SPAG16: variants seen among roughly 807,000 people sequenced by gnomAD.
SPAG16 encodes sperm-associated antigen 16 protein.
SPAG16 carries 86 observed loss-of-function variants against 80.4 expected under a neutral mutation model. That is an observed-to-expected ratio of 1.07 (90% CI 0.90 to 1.28). The LOEUF (loss-of-function observed/expected upper bound fraction) is 1.28, where lower values mean the gene tolerates loss of function less well. Among genes scored for constraint, SPAG16 ranks in the 50% most tolerant of loss-of-function variants. The pLI is 0.00. For missense variants in SPAG16, 870 were observed against 765.3 expected, an observed-to-expected ratio of 1.14 and a Z score of -1.61; for synonymous variants, 294 against 265.9, an observed-to-expected ratio of 1.11 and a Z score of -1.03.
At chr2:213,923,479 T>A (rs533168175) in intron 11 of SPAG16, among the ~76,000 whole-genome samples, 2 of 152,278 alleles carry the variant, frequency 1.3e-5, no homozygotes, top group East Asian at 3.9e-4. Flanking sequence ...TGGGATCACA[T>A]GCCTTACTGT....
chr2:213,805,794 A>G (rs2071730765), intron 10 of SPAG16, among the ~76,000 whole-genome samples: 1 of 152,232 alleles, frequency 6.6e-6, no homozygotes, highest in African/African-American at 2.4e-5. Flanking sequence ...TATAATGCAA[A>G]TAAACTTGCT....
At position 214,259,597 on chromosome 2, in the gene SPAG16, C is replaced by T. The variant is rs761561766; in HGVS notation, c.1720+110331C>T. Among the ~76,000 whole-genome samples the T allele has an allele frequency of 3.3e-5, 5 of 150,286 alleles. No individual in the cohort carries two copies. The East Asian group carries it at 7.9e-4, about 24-fold the overall frequency. On this transcript the variant is annotated intron_variant, in intron 15 of 15. Transcript: ENST00000331683. ...CCCTGAGCCATTTCCTTCTTCCAGG[C>T]GTTCACTCTCCTTCACTCTCCACCT... is the stretch of plus-strand genomic sequence containing the variant.
chr2:214,157,633 T>C (rs2056271758), intron 15 of SPAG16, among the ~76,000 whole-genome samples: 1 of 152,086 alleles, frequency 6.6e-6, no homozygotes, highest in African/African-American at 2.4e-5. Context: ...TCCATTCTGA[T>C]TGGTTGGTGA....
At chr2:213,339,778 T>C (rs2064574358) in intron 5 of SPAG16, among the ~76,000 whole-genome samples, 1 of 149,920 alleles carries the variant, frequency 6.7e-6, no homozygotes, top group African/African-American at 2.5e-5. Context: ...AGAGTTAAAT[T>C]CCATAAAGTC....
intron 12 of SPAG16, among the ~76,000 whole-genome samples, chr2:214,004,188 A>C (rs1439691932): frequency 6.6e-6 from 1 of 152,304 alleles, no homozygotes; most frequent in South Asian, 2.1e-4. Flanking sequence ...AAGTGGTAAG[A>C]TCAGGTGGTA....
At chr2:214,060,504 A>C (rs1157921160) in intron 13 of SPAG16, among the ~76,000 whole-genome samples, 4 of 152,214 alleles carry the variant, frequency 2.6e-5, no homozygotes, top group Non-Finnish European at 5.9e-5. Context: ...CGAAAGAAAA[A>C]GGATAATGTA....
intron 14 of SPAG16, among the ~76,000 whole-genome samples, chr2:214,121,636 A>G (rs950503525): frequency 2.6e-5 from 4 of 151,846 alleles, no homozygotes; most frequent in African/African-American, 7.2e-5. Flanking sequence ...TACTACTGCT[A>G]TTATTATTAC....
chr2:213,502,361 G>A (rs955371812), intron 10 of SPAG16, among the ~76,000 whole-genome samples: 4 of 152,024 alleles, frequency 2.6e-5, no homozygotes, highest in African/African-American at 7.3e-5. Flanking sequence ...GGGCTCAAGC[G>A]ATTCTTCTGC....
In SPAG16 at chr2:213,386,179, C is replaced by A. The variant is rs1575446918; in HGVS notation, c.942+11060C>A. Among the ~76,000 whole-genome samples, 3 of 152,172 alleles carry A rather than the reference C, an allele frequency of 2.0e-5. No homozygotes were observed. In the South Asian group the frequency reaches 6.2e-4, roughly 32 times the overall value. ...ATTCTTCCCAATGTCTTCCAAACTC[C>A]CATTGATGCCTTTTTTCCATATTAT... On this transcript the variant is annotated intron_variant, in intron 9 of 15. Transcript: ENST00000331683.
chr2:213,676,612 A>G (rs1222809430), intron 10 of SPAG16, among the ~76,000 whole-genome samples: 3 of 152,168 alleles, frequency 2.0e-5, no homozygotes, highest in Admixed American at 6.5e-5. Flanking sequence ...AATTTTGTCA[A>G]AGGCCTTTTC....
chr2:214,248,554 T>A (rs902719224), intron 15 of SPAG16, among the ~76,000 whole-genome samples: 35 of 152,098 alleles, frequency 2.3e-4, no homozygotes, highest in African/African-American at 8.4e-4. Flanking sequence ...TGTGACCTCA[T>A]GATCCACCTG....
chr2:213,284,827 G>A (rs1341340547), intron 1 of SPAG16: 19 of 660,338 alleles, frequency 2.9e-5, no homozygotes, highest in Non-Finnish European at 4.2e-5. Flanking sequence ...AGGGTGTCCT[G>A]TACCTGTTAG....
chr2:214,143,574 CA>C (rs2055482217), intron 14 of SPAG16, among the ~76,000 whole-genome samples: 1 of 152,028 alleles, frequency 6.6e-6, no homozygotes, highest in Non-Finnish European at 1.5e-5. Flanking sequence ...ATCACAAAAA[CA>C]TTTTTTTCTG....
chr2:214,103,379 C>T (rs1365203932), intron 13 of SPAG16, among the ~76,000 whole-genome samples: 1 of 152,188 alleles, frequency 6.6e-6, no homozygotes, highest in African/African-American at 2.4e-5. Flanking sequence ...GAGCAGAACT[C>T]AGTCACATGG....
intron 15 of SPAG16, among the ~76,000 whole-genome samples, chr2:214,329,876 G>A (rs1306044841): frequency 6.6e-6 from 1 of 151,998 alleles, no homozygotes; most frequent in Non-Finnish European, 1.5e-5. Context: ...CTATATCATC[G>A]ATGAAATGTC....
intron 15 of SPAG16, among the ~76,000 whole-genome samples, chr2:214,302,123 T>C (rs1371827648): frequency 2.0e-5 from 3 of 152,246 alleles, no homozygotes; most frequent in Non-Finnish European, 4.4e-5. Context: ...TCCAATTTTA[T>C]TCCACTATGT....
chr2:214,348,701 C>A (rs889452845), intron 15 of SPAG16, among the ~76,000 whole-genome samples: 1 of 152,132 alleles, frequency 6.6e-6, no homozygotes, highest in Non-Finnish European at 1.5e-5. Context: ...CTGTCTCAGA[C>A]CCTCCACACC....
At position 213,916,416 on chromosome 2, in the gene SPAG16, A is replaced by G. The variant is rs538288141; in HGVS notation, c.1215-13544A>G. Among the ~76,000 whole-genome samples the G allele has an allele frequency of 2.6e-5, 4 of 152,276 alleles. No homozygotes were observed. The South Asian group carries it at 6.2e-4, about 24-fold the overall frequency. On this transcript the variant is annotated intron_variant, in intron 11 of 15. Transcript: ENST00000331683. ...TTTTCTCAGGTTTGTCAAAGATCAG[A>G]TGGTTGTAGACGTGTGGCATTATTT...
intron 10 of SPAG16, among the ~76,000 whole-genome samples, chr2:213,742,484 C>A (rs1197687844): frequency 6.6e-6 from 1 of 151,692 alleles, no homozygotes; most frequent in Non-Finnish European, 1.5e-5. Context: ...GATCACCTCA[C>A]ATAAAATTAT....
Sources: gnomAD v4.1 joint callset for allele counts (sites outside exome capture counted in the v4.1 genomes callset) on GRCh38, gnomAD v4.1.1 for gene constraint, MANE v1.5 for transcripts, NCBI Gene and HGNC (gene_info 2026-07-23, HGNC 2026-07-21) for gene names.